Variants in MBD5 observed in about 807,000 individuals in gnomAD.
The protein encoded by MBD5 is methyl-CpG-binding domain protein 5.
In MBD5, 13 loss-of-function variants were observed where a neutral mutation model predicts 117.3. The ratio of observed to expected loss-of-function variants is 0.11; its 90% CI spans 0.07 to 0.18. MBD5 has a LOEUF of 0.18. MBD5 is among the 10% of genes least tolerant of loss of function. MBD5 has a pLI of 1.00. For synonymous variants in MBD5, 727 were observed against 766.4 expected, an observed-to-expected ratio of 0.95 and a Z score of 0.85; for missense variants, 1,879 against 2,093.8, an observed-to-expected ratio of 0.90 and a Z score of 2.00.
At chr2:148,027,318 T>G (rs1693925094) in intron 1 of MBD5, 1 of 152,150 alleles carries the variant, frequency 6.6e-6, no homozygotes, top group African/African-American at 2.4e-5. Context: ...TATTTCATAT[T>G]TATACTTAAA....
intron 3 of MBD5, among the ~76,000 whole-genome samples, chr2:148,290,950 A>C (rs1701486169): frequency 6.6e-6 from 1 of 152,206 alleles, no homozygotes; most frequent in South Asian, 2.1e-4. Context: ...TTTCCAAAAC[A>C]GCTGCACCAT....
intron 4 of MBD5, among the ~76,000 whole-genome samples, chr2:148,435,386 G>T (rs1162667206): frequency 6.6e-6 from 1 of 152,100 alleles, no homozygotes; most frequent in Non-Finnish European, 1.5e-5. Flanking sequence ...GGAATGGCTG[G>T]TAACAGTCTT....
chr2:148,223,117 C>T (rs1484894370), intron 2 of MBD5, among the ~76,000 whole-genome samples: 4 of 151,976 alleles, frequency 2.6e-5, no homozygotes, highest in Non-Finnish European at 5.9e-5. Context: ...GGATAAATCC[C>T]ACCTGGTCAT....
chr2:148,063,919 C>T (rs1695107816), intron 1 of MBD5, among the ~76,000 whole-genome samples: 1 of 151,912 alleles, frequency 6.6e-6, no homozygotes, highest in South Asian at 2.1e-4. Context: ...TCCATAAGTG[C>T]CAACAAGCTC....
At chr2:148,040,046 G>A (rs530182167) in intron 1 of MBD5, among the ~76,000 whole-genome samples, 1 of 152,184 alleles carries the variant, frequency 6.6e-6, no homozygotes, top group African/African-American at 2.4e-5. Flanking sequence ...AGGGCGGGAG[G>A]AGGGAGAGGA....
chr2:148,385,507 T>C lies in MBD5; in HGVS notation c.-557+43171T>C, dbSNP rs565028188. 2.8e-3 allele frequency among the ~76,000 whole-genome samples: 423 copies of C among 152,248 alleles called. 1 individual carries two copies. The highest frequency in any genetic ancestry group is 9.8e-3 in the African/African-American group (408 of 41,528). ...AGAAATAGGAACACTTTTACACTGT[T>C]GGTGGAACTGTAAACTGGTTCAACC... On this transcript the variant is annotated intron_variant, in intron 4 of 13. Coordinates refer to ENST00000642680, the MANE Select transcript of MBD5 (RefSeq NM_001378120.1).
At chr2:148,284,252 A>G (rs1352645762) in intron 3 of MBD5, among the ~76,000 whole-genome samples, 1 of 152,080 alleles carries the variant, frequency 6.6e-6, no homozygotes, top group African/African-American at 2.4e-5. Flanking sequence ...ATAAAGGAAC[A>G]CTTTTTTTTT....
intron 1 of MBD5, among the ~76,000 whole-genome samples, chr2:148,124,273 T>G (rs146741405): frequency 2.7e-5 from 4 of 145,686 alleles, no homozygotes; most frequent in African/African-American, 1.0e-4. Flanking sequence ...GGCAAAACTG[T>G]CTTGAAAAAA....
chr2:148,302,661 G>A (rs1332112060), intron 3 of MBD5, among the ~76,000 whole-genome samples: 1 of 151,980 alleles, frequency 6.6e-6, no homozygotes, highest in African/African-American at 2.4e-5. Flanking sequence ...TGGAGACACG[G>A]TCTTACTCTG....
Position 148,468,398 on chromosome 2 carries a change from C to T in MBD5, c.455C>T (p.Ser152Phe). 6.2e-7 allele frequency: 1 copy of T among 1,613,664 alleles called. No individual in the cohort carries two copies. The stretch of plus-strand genomic sequence containing the variant: ...ACTCCAAGATCAGTAAGAAATAAGT[C>T]TCATGAAGGAATTACAAATTCTGTA... Reference protein sequence around the residue: ...AATPRSVRNKSHEGITNSVMP... With the variant: ...AATPRSVRNKFHEGITNSVMP... Residue 152 changes from serine to phenylalanine, a missense_variant, in exon 8 of 14, where the codon TCT becomes TTT. Ser to Phe is a radical substitution (Grantham distance 155). This residue lies in a region of MBD5 where 1,666 missense variants were observed against 1,792.2 expected (regional missense o/e 0.93). Coordinates refer to ENST00000642680, the MANE Select transcript of MBD5 (RefSeq NM_001378120.1).
At chr2:148,065,157 A>C (rs146723896) in intron 1 of MBD5, among the ~76,000 whole-genome samples, 1 of 152,250 alleles carries the variant, frequency 6.6e-6, no homozygotes, top group East Asian at 1.9e-4. Flanking sequence ...AGTCTTAAAT[A>C]TGTAAGCCCA....
chr2:148,152,640 A>T (rs1176180318), intron 1 of MBD5, among the ~76,000 whole-genome samples: 1 of 152,168 alleles, frequency 6.6e-6, no homozygotes, highest in Admixed American at 6.5e-5. Context: ...CGTTGCATAT[A>T]TATTTAGGAT....
chr2:148,181,783 A>T (rs915359084), intron 2 of MBD5, among the ~76,000 whole-genome samples: 1 of 152,092 alleles, frequency 6.6e-6, no homozygotes, highest in African/African-American at 2.4e-5. Flanking sequence ...TTCAACTTTT[A>T]AATTTTATGC....
intron 1 of MBD5, among the ~76,000 whole-genome samples, chr2:148,102,646 G>A (rs1696246813): frequency 6.8e-6 from 1 of 148,024 alleles, no homozygotes; most frequent in Non-Finnish European, 1.5e-5. Context: ...TGAGGAGTCA[G>A]AATTAAATTG....
chr2:148,340,538 C>G (rs1432451734), intron 3 of MBD5, among the ~76,000 whole-genome samples: 1 of 151,978 alleles, frequency 6.6e-6, no homozygotes. Context: ...CGGTTTGGTA[C>G]TCAAGATAGA....
At chr2:148,278,155 A>G (rs62182802) in intron 3 of MBD5, among the ~76,000 whole-genome samples, 14,925 of 152,234 alleles carry the variant, frequency 0.098, 1,097 homozygotes, top group African/African-American at 0.2. Flanking sequence ...GTAGCCTTTG[A>G]TTCTATCTTC....
chr2:148,394,260 C>G (rs183498841), intron 4 of MBD5, among the ~76,000 whole-genome samples: 5 of 152,054 alleles, frequency 3.3e-5, no homozygotes, highest in Non-Finnish European at 7.4e-5. Context: ...CCTGGAACAA[C>G]TTAAAATAAG....
intron 4 of MBD5, among the ~76,000 whole-genome samples, chr2:148,384,550 A>G (rs1301948841): frequency 1.3e-5 from 2 of 152,254 alleles, no homozygotes; most frequent in Non-Finnish European, 2.9e-5. Context: ...GGTAACTTAT[A>G]GATTCAATGC....
chr2:148,316,496 A>G (rs1463038125), intron 3 of MBD5, among the ~76,000 whole-genome samples: 1 of 152,176 alleles, frequency 6.6e-6, no homozygotes, highest in African/African-American at 2.4e-5. Flanking sequence ...ATCAGTGGGC[A>G]TTTAGGAGTT....
Sources: allele counts gnomAD v4.1 joint callset (sites outside exome capture counted in the v4.1 genomes callset), GRCh38; gene constraint gnomAD v4.1.1; regional missense constraint gnomAD v4.1.1; transcripts MANE v1.5; gene names NCBI Gene and HGNC (gene_info 2026-07-23, HGNC 2026-07-21).